Variants in CDH12 observed in about 807,000 individuals in gnomAD.
CDH12 encodes cadherin-12.
In CDH12, 41 loss-of-function variants were observed where a neutral mutation model predicts 74.1. The observed-to-expected ratio is 0.55, with a 90% CI of 0.43 to 0.72. The LOEUF (loss-of-function observed/expected upper bound fraction) is 0.72. CDH12 is among the 30% of genes least tolerant of loss of function. The pLI is 0.00. For missense variants in CDH12, 945 were observed against 977.2 expected (o/e 0.97, Z 0.44); for synonymous variants, 399 against 355.0 (o/e 1.12, Z -1.39).
intron 7 of CDH12, among the ~76,000 whole-genome samples, chr5:21,854,200 C>T (rs772592797): frequency 1.5e-4 from 22 of 151,630 alleles, no homozygotes; most frequent in Non-Finnish European, 2.1e-4. Flanking sequence ...GCAAGATTGT[C>T]AAGTCTCTCC....
chr5:22,019,283 G>A (rs942414744), intron 5 of CDH12, among the ~76,000 whole-genome samples: 1 of 151,972 alleles, frequency 6.6e-6, no homozygotes, highest in African/African-American at 2.4e-5. Flanking sequence ...AAGTGAAAAA[G>A]CACATACAGT....
intron 1 of CDH12, among the ~76,000 whole-genome samples, chr5:22,659,621 G>A (rs575389048): frequency 1.9e-4 from 29 of 152,066 alleles, no homozygotes; most frequent in African/African-American, 7.0e-4. Context: ...ATCACTTTGA[G>A]CATTTTCATC....
chr5:22,848,322 C>G (rs1248388062), intron 1 of CDH12, among the ~76,000 whole-genome samples: 2 of 152,128 alleles, frequency 1.3e-5, no homozygotes, highest in African/African-American at 4.8e-5. Context: ...CTTAATCAAT[C>G]AATTACTGAT....
chr5:21,990,967 G>GA (rs958298733), intron 5 of CDH12, among the ~76,000 whole-genome samples: 3 of 150,480 alleles, frequency 2.0e-5, no homozygotes, highest in Admixed American at 6.6e-5. Flanking sequence ...TATCTTGAGA[G>GA]AAAAAAACCA....
At chr5:22,698,678 T>G (rs1469300886) in intron 1 of CDH12, among the ~76,000 whole-genome samples, 4 of 6,352 alleles carry the variant, frequency 6.3e-4, no homozygotes, top group Non-Finnish European at 8.7e-4. Flanking sequence ...AATCCCCAGA[T>G]ATATATATAT....
chr5:22,595,666 G>A (rs1194338125), intron 1 of CDH12, among the ~76,000 whole-genome samples: 3 of 152,134 alleles, frequency 2.0e-5, no homozygotes, highest in Non-Finnish European at 4.4e-5. Context: ...TGGTTGGTTG[G>A]TTGTAGTTAT....
At chr5:22,455,066 G>A (rs1745210438) in intron 2 of CDH12, among the ~76,000 whole-genome samples, 1 of 152,168 alleles carries the variant, frequency 6.6e-6, no homozygotes, top group Non-Finnish European at 1.5e-5. Context: ...TGTAGATTTT[G>A]TTTACAATAT....
chr5:22,250,776 T>C (rs1292902684), intron 3 of CDH12, among the ~76,000 whole-genome samples: 2 of 152,120 alleles, frequency 1.3e-5, no homozygotes, highest in African/African-American at 4.8e-5. Context: ...TTCTGGCAGC[T>C]TGGGGAGAAC....
At chr5:21,818,007 A>T (rs925289407) in intron 8 of CDH12, among the ~76,000 whole-genome samples, 1 of 152,076 alleles carries the variant, frequency 6.6e-6, no homozygotes, top group African/African-American at 2.4e-5. Flanking sequence ...AGTTTGACAC[A>T]CAAGAAAGAT....
intron 3 of CDH12, among the ~76,000 whole-genome samples, chr5:22,289,965 T>C (rs1247514579): frequency 6.6e-6 from 1 of 152,092 alleles, no homozygotes; most frequent in Non-Finnish European, 1.5e-5. Flanking sequence ...TTCAGGGAAT[T>C]TGAGCCCTTG....
At chr5:21,869,232 C>G (rs1376331011) in intron 6 of CDH12, among the ~76,000 whole-genome samples, 1 of 152,098 alleles carries the variant, frequency 6.6e-6, no homozygotes, top group Non-Finnish European at 1.5e-5. Context: ...TACAGAAGAT[C>G]CCTTAGGTTT....
At chr5:22,467,361 A>G (rs938822990) in intron 2 of CDH12, among the ~76,000 whole-genome samples, 2 of 152,140 alleles carry the variant, frequency 1.3e-5, no homozygotes, top group African/African-American at 4.8e-5. Flanking sequence ...CTTCTGGGCT[A>G]TCATCTCCCG....
At chr5:22,165,469 C>G (rs1748624158) in intron 4 of CDH12, among the ~76,000 whole-genome samples, 2 of 149,518 alleles carry the variant, frequency 1.3e-5, no homozygotes, top group African/African-American at 4.9e-5. Flanking sequence ...AAATATCCAG[C>G]CTCCCAACAC....
chr5:22,836,308 C>T (rs1818450), intron 1 of CDH12, among the ~76,000 whole-genome samples: 3 of 142,754 alleles, frequency 2.1e-5, no homozygotes, highest in African/African-American at 7.7e-5. Flanking sequence ...ACCACAACCT[C>T]TTCCTCCTGG....
chr5:21,753,344 G>A (rs1041208584), intron 14 of CDH12, among the ~76,000 whole-genome samples: 1 of 152,194 alleles, frequency 6.6e-6, no homozygotes, highest in Admixed American at 6.5e-5. Context: ...CTTGGGAGAC[G>A]TTTAGCACCC....
intron 4 of CDH12, among the ~76,000 whole-genome samples, chr5:22,191,035 C>G (rs748961293): frequency 1.3e-3 from 194 of 152,300 alleles, no homozygotes; most frequent in Non-Finnish European, 2.4e-3. Flanking sequence ...TTCCAAACTT[C>G]CTTCTAAATT....
At chr5:22,764,857 C>T (rs1746416716) in intron 1 of CDH12, among the ~76,000 whole-genome samples, 1 of 151,788 alleles carries the variant, frequency 6.6e-6, no homozygotes, top group African/African-American at 2.4e-5. Context: ...TCATGAAAGA[C>T]AAAGAAAGTC....
At chr5:22,631,288 T>C (rs1218022611) in intron 1 of CDH12, among the ~76,000 whole-genome samples, 2 of 152,198 alleles carry the variant, frequency 1.3e-5, no homozygotes, top group African/African-American at 4.8e-5. Context: ...ATATTGGGTA[T>C]ATACCCAAAG....
intron 6 of CDH12, among the ~76,000 whole-genome samples, chr5:21,915,822 CTGTG>C (rs36126825): frequency 0.015 from 2,135 of 140,084 alleles, 48 homozygotes; most frequent in African/African-American, 0.044. Context: ...ATCATTTGTG[CTGTG>C]TGTGTGTGTG....
Sources: gnomAD v4.1 joint callset for allele counts (sites outside exome capture counted in the v4.1 genomes callset) on GRCh38, gnomAD v4.1.1 for gene constraint, MANE v1.5 for transcripts, NCBI Gene and HGNC (gene_info 2026-07-23, HGNC 2026-07-21) for gene names.